The following ODAD4 variants were observed in gnomAD, a reference collection of about 807,000 sequenced individuals.
ODAD4 encodes the protein outer dynein arm docking complex subunit 4, also known as outer dynein arm-docking complex subunit 4.
In ODAD4, 49 loss-of-function variants were observed where a neutral mutation model predicts 51.8. The ratio of observed to expected loss-of-function variants is 0.95; its 90% CI spans 0.75 to 1.20. ODAD4 has a LOEUF of 1.20. Among genes scored for constraint, ODAD4 ranks in the 50% most tolerant of loss-of-function variants. The pLI is 0.00. For synonymous variants in ODAD4, 235 were observed against 221.3 expected (o/e 1.06, Z -0.55); for missense variants, 590 against 586.5 (o/e 1.01, Z -0.06).
intron 9 of ODAD4, chr17:41,952,521 G>A (rs552874934): frequency 5.6e-5 from 17 of 303,162 alleles, no homozygotes; most frequent in African/African-American, 1.9e-4. Flanking sequence ...GATACAGAGC[G>A]AGGCCCTGAC....
intron 5 of ODAD4, among the ~76,000 whole-genome samples, chr17:41,937,833 T>C (rs1404491854): frequency 1.3e-5 from 2 of 152,230 alleles, no homozygotes; most frequent in African/African-American, 4.8e-5. Flanking sequence ...AAGCCTGAGA[T>C]GAATGTCCCA....
At chr17:41,933,350 C>CA (rs34740606) in intron 1 of ODAD4, among the ~76,000 whole-genome samples, 2,101 of 74,572 alleles carry the variant, frequency 0.028, 26 homozygotes, top group African/African-American at 0.053. Context: ...AACTCTGTCT[C>CA]AAAAAAAAAA....
At chr17:41,961,583 C>T (rs140690463) in intron 11 of ODAD4, 117 bp downstream of exon 11, 12 of 659,648 alleles carry the variant, frequency 1.8e-5, no homozygotes, top group South Asian at 3.5e-5. Flanking sequence ...CACTGCCCAT[C>T]GTGCATTCTA....
chr17:41,936,220 C>T (rs1342928638), intron 3 of ODAD4, among the ~76,000 whole-genome samples: 2 of 152,162 alleles, frequency 1.3e-5, no homozygotes, highest in Non-Finnish European at 2.9e-5. Context: ...TGGAAATGGA[C>T]AGTTTCCCCT....
At chr17:41,941,658 G>A (rs1419597465) in intron 7 of ODAD4, among the ~76,000 whole-genome samples, 18 of 151,740 alleles carry the variant, frequency 1.2e-4, no homozygotes, top group African/African-American at 4.1e-4. Context: ...GTGTGCGCCT[G>A]TAGTCCCAGC....
rs1555642673 is a variant in ODAD4 at position 41,965,923 on chromosome 17, G to GCC, written c.*440_*441insCC. ...GGGCGGCCCCAGCTGTCACAGGTAGGAGAATGCCGCAAGCCAGAACCAAGC... is the reference window on the plus strand; with the variant it reads ...GGGCGGCCCCAGCTGTCACAGGTAGGCCAGAATGCCGCAAGCCAGAACCAAGC... On this transcript the variant is annotated 3_prime_UTR_variant, in exon 12 of 12. Coordinates refer to ENST00000377540, the MANE Select transcript of ODAD4 (RefSeq NM_031421.5). Among the ~76,000 whole-genome samples, 72 of 152,270 alleles carry GCC rather than the reference G, an allele frequency of 4.7e-4. No individual in the cohort carries two copies. Among genetic ancestry groups the GCC allele is most frequent in the African/African-American group, 1.7e-3 (71 of 41,522 alleles).
At chr17:41,956,138 C>T (rs1396121468) in intron 10 of ODAD4, among the ~76,000 whole-genome samples, 1 of 150,680 alleles carries the variant, frequency 6.6e-6, no homozygotes, top group African/African-American at 2.4e-5. Context: ...ACCTCCGCCT[C>T]CCGGGTTCAA....
chr17:41,947,056 G>A (rs2050598067), intron 8 of ODAD4, among the ~76,000 whole-genome samples: 1 of 151,154 alleles, frequency 6.6e-6, no homozygotes, highest in African/African-American at 2.4e-5. Flanking sequence ...CCCCGCGTTG[G>A]TCAGGCTGGT....
chr17:41,937,076 AG>A, intron 5 of ODAD4, 149 bp downstream of exon 5: 1 of 938,300 alleles, frequency 1.1e-6, no homozygotes, highest in Non-Finnish European at 1.6e-6. Flanking sequence ...TTTACAGATG[AG>A]GAAACTGAGG....
chr17:41,955,626 C>CCG (rs1409755643), intron 10 of ODAD4, among the ~76,000 whole-genome samples: 2 of 152,128 alleles, frequency 1.3e-5, no homozygotes, highest in South Asian at 4.1e-4. Context: ...CAGGGTTTCA[C>CCG]TGTTAGCCAG....
intron 10 of ODAD4, among the ~76,000 whole-genome samples, chr17:41,960,229 G>T (rs943802283): frequency 2.0e-5 from 3 of 152,194 alleles, no homozygotes; most frequent in Non-Finnish European, 4.4e-5. Flanking sequence ...CACTTTGGGA[G>T]GCTGAGGGCA....
chr17:41,961,792 G>A (rs2050809434), intron 11 of ODAD4, among the ~76,000 whole-genome samples: 1 of 152,196 alleles, frequency 6.6e-6, no homozygotes, highest in Non-Finnish European at 1.5e-5. Flanking sequence ...TGCCCTGGAG[G>A]AGCCCATGGC....
At chr17:41,948,130 TAAATAA>T (rs2050611059) in intron 8 of ODAD4, among the ~76,000 whole-genome samples, 1 of 151,164 alleles carries the variant, frequency 6.6e-6, no homozygotes, top group African/African-American at 2.4e-5. Flanking sequence ...AAAAAATAAA[TAAATAA>T]AAATAAAAAT....
At position 41,944,784 on chromosome 17, in the gene ODAD4, G is replaced by A. The variant is rs897307253; in HGVS notation, c.1059-352G>A. On this transcript the variant is annotated intron_variant, in intron 7 of 11. Transcript: ENST00000377540. The stretch of plus-strand genomic sequence containing the variant: ...AGCCTGGGCAACAGAGTGAGACTCT[G>A]TCTCAAAAAAAAAAAGTAATTATTT... Among the ~76,000 whole-genome samples the A allele has an allele frequency of 4.7e-5, 7 of 150,486 alleles. No individual in the cohort carries two copies. In the South Asian group the frequency reaches 1.0e-3, roughly 23 times the overall value.
At chr17:41,936,697 G>C in intron 4 of ODAD4, 65 bp from the exon 5 acceptor site, 1 of 1,591,638 alleles carries the variant, frequency 6.3e-7, no homozygotes, top group African/African-American at 1.3e-5. Flanking sequence ...ACAGACCCTA[G>C]GGCCATGGCT....
chr17:41,941,335 C>T (rs1598076062), intron 7 of ODAD4, among the ~76,000 whole-genome samples: 2 of 152,348 alleles, frequency 1.3e-5, no homozygotes, highest in African/African-American at 2.4e-5. Flanking sequence ...TTCTCCAGGC[C>T]CCCAGGCATT....
At position 41,935,284 on chromosome 17, in the gene ODAD4, G is replaced by C. The variant is rs2050408823; in HGVS notation, c.182G>C (p.Gly61Ala). 2 of 1,614,020 alleles carry C rather than the reference G, an allele frequency of 1.2e-6. No homozygotes were observed. The highest frequency in any genetic ancestry group is 4.5e-5 in the East Asian group (2 of 44,882). Residue 61 changes from glycine (G) to alanine (A), a missense_variant, in exon 2 of 12, where the codon GGA becomes GCA. Physicochemically the swap from Gly to Ala is moderately conservative, Grantham distance 60. Around this residue, in one of 3 missense-constraint regions of ODAD4, gnomAD observed 360 missense variants for 407.5 expected, o/e 0.88. Transcript: ENST00000377540. ...VARSKCFLKM[G>A]DLERSLKDAE... is the part of the protein sequence containing the mutation. ...CGCTCAAAGTGCTTCCTGAAGATGG[G>C]AGACTTGGAGAGATCCCTGAAGGAT...
At chr17:41,962,239 G>A (rs1248543842) in intron 11 of ODAD4, among the ~76,000 whole-genome samples, 3 of 152,148 alleles carry the variant, frequency 2.0e-5, no homozygotes, top group Non-Finnish European at 2.9e-5. Context: ...GGGGTGACTC[G>A]GGGCCCCACT....
At chr17:41,948,483 A>C (rs1253381681) in intron 8 of ODAD4, among the ~76,000 whole-genome samples, 1 of 145,184 alleles carries the variant, frequency 6.9e-6, no homozygotes, top group Non-Finnish European at 1.5e-5. Flanking sequence ...GCCTGGCTAA[A>C]TTTTGTATTT....
Sources: gnomAD v4.1 joint callset for allele counts (sites outside exome capture counted in the v4.1 genomes callset) on GRCh38, gnomAD v4.1.1 for gene constraint, gnomAD v4.1.1 regional missense constraint, MANE v1.5 for transcripts, NCBI Gene and HGNC (gene_info 2026-07-23, HGNC 2026-07-21) for gene names.